ZNF804A: variants seen among roughly 807,000 people sequenced by gnomAD.
ZNF804A encodes zinc finger protein 804A.
Under a neutral mutation model 16.5 loss-of-function variants are expected in ZNF804A, and 2 were observed. The observed-to-expected ratio is 0.12, with a 90% CI of 0.05 to 0.38. The LOEUF (loss-of-function observed/expected upper bound fraction) is 0.38. Among genes scored for constraint, ZNF804A ranks in the 10% least tolerant of loss-of-function variants. The pLI is 0.99. For synonymous variants in ZNF804A, 534 were observed against 489.6 expected (o/e 1.09, Z -1.20); for missense variants, 1,473 against 1,390.7 (o/e 1.06, Z -0.94).
chr2:184,718,263 C>G (rs1428823944), intron 1 of ZNF804A, among the ~76,000 whole-genome samples: 2 of 152,104 alleles, frequency 1.3e-5, no homozygotes, highest in Non-Finnish European at 2.9e-5. Context: ...ACCCCCATAA[C>G]TCAGTCACCT....
intron 1 of ZNF804A, among the ~76,000 whole-genome samples, chr2:184,852,448 A>G (rs889935341): frequency 1.4e-5 from 2 of 140,930 alleles, no homozygotes; most frequent in Admixed American, 1.4e-4. Flanking sequence ...CTTTGAGGTT[A>G]TCTCATTTGA....
intron 1 of ZNF804A, among the ~76,000 whole-genome samples, chr2:184,788,111 T>C (rs1273657319): frequency 6.6e-6 from 1 of 151,952 alleles, no homozygotes; most frequent in African/African-American, 2.4e-5. Flanking sequence ...TTTCCCATTG[T>C]TTATTTTTGT....
At chr2:184,625,564 G>T (rs1027269071) in intron 1 of ZNF804A, among the ~76,000 whole-genome samples, 2 of 152,044 alleles carry the variant, frequency 1.3e-5, no homozygotes, top group Non-Finnish European at 2.9e-5. Flanking sequence ...TGGACAGATG[G>T]AGAAATAAAT....
chr2:184,935,860 T>G lies in ZNF804A; in HGVS notation c.464T>G (p.Val155Gly), dbSNP rs375476654. Reference sequence around the variant, plus strand: ...AACTGTAATGAAATTTCCCAACGAGTTGTTGTGGATTCAGTTAATAACCAG... The same window carrying G: ...AACTGTAATGAAATTTCCCAACGAGGTGTTGTGGATTCAGTTAATAACCAG... ...RENCNEISQR[V>G]VVDSVNNQQD... Residue 155 changes from valine to glycine, a missense_variant, in exon 4 of 4, where the codon GTT becomes GGT. Val to Gly is a moderately radical substitution (Grantham distance 109, BLOSUM62 -3). Transcript: ENST00000302277. 9 of 1,613,530 alleles carry G rather than the reference T, an allele frequency of 5.6e-6. No homozygotes were observed. In the South Asian group the frequency reaches 7.7e-5, roughly 14 times the overall value.
chr2:184,648,730 G>A (rs1258842719), intron 1 of ZNF804A, among the ~76,000 whole-genome samples: 1 of 152,208 alleles, frequency 6.6e-6, no homozygotes, highest in South Asian at 2.1e-4. Flanking sequence ...TTAAAAAGAA[G>A]ACTTAACTAA....
At chr2:184,604,320 G>A (rs1691103626) in intron 1 of ZNF804A, among the ~76,000 whole-genome samples, 1 of 151,420 alleles carries the variant, frequency 6.6e-6, no homozygotes, top group Admixed American at 6.6e-5. Context: ...ACAGGTGCCC[G>A]CCATCGCGCC....
chr2:184,922,336 A>G (rs1421790906), intron 2 of ZNF804A, among the ~76,000 whole-genome samples: 1 of 151,936 alleles, frequency 6.6e-6, no homozygotes, highest in Non-Finnish European at 1.5e-5. Context: ...TTTGATATAC[A>G]TTTCTCTAAT....
intron 2 of ZNF804A, among the ~76,000 whole-genome samples, chr2:184,914,853 C>T (rs1434585779): frequency 6.6e-6 from 1 of 151,590 alleles, no homozygotes. Flanking sequence ...TTAACTAACC[C>T]ATATAGATTT....
intron 1 of ZNF804A, among the ~76,000 whole-genome samples, chr2:184,739,061 A>G (rs1040828899): frequency 2.0e-5 from 3 of 152,230 alleles, no homozygotes; most frequent in Non-Finnish European, 4.4e-5. Context: ...CTTTGACTCC[A>G]TAAACCTTTT....
At chr2:184,847,720 C>T (rs1695541988) in intron 1 of ZNF804A, among the ~76,000 whole-genome samples, 1 of 152,036 alleles carries the variant, frequency 6.6e-6, no homozygotes, top group Non-Finnish European at 1.5e-5. Flanking sequence ...AAGACTGTTC[C>T]CATTTTCAAT....
intron 1 of ZNF804A, among the ~76,000 whole-genome samples, chr2:184,762,789 A>G (rs779515769): frequency 6.6e-6 from 1 of 152,104 alleles, no homozygotes; most frequent in East Asian, 1.9e-4. Flanking sequence ...CTTACAATCA[A>G]TTCTGCCCAA....
chr2:184,920,916 G>A (rs747995377), intron 2 of ZNF804A, among the ~76,000 whole-genome samples: 6 of 152,212 alleles, frequency 3.9e-5, no homozygotes, highest in Non-Finnish European at 8.8e-5. Context: ...CTTCTTGATT[G>A]ATGAAAGGAC....
chr2:184,782,069 G>T (rs1694379557), intron 1 of ZNF804A, among the ~76,000 whole-genome samples: 1 of 151,610 alleles, frequency 6.6e-6, no homozygotes, highest in South Asian at 2.1e-4. Context: ...GTGGATTAGG[G>T]CCCACCCCTC....
intron 1 of ZNF804A, among the ~76,000 whole-genome samples, chr2:184,829,615 A>T (rs1298200041): frequency 6.6e-6 from 1 of 151,978 alleles, no homozygotes; most frequent in African/African-American, 2.4e-5. Context: ...ATATTATCTG[A>T]TATTATCTGA....
At chr2:184,704,453 T>C (rs1182312330) in intron 1 of ZNF804A, among the ~76,000 whole-genome samples, 1 of 152,080 alleles carries the variant, frequency 6.6e-6, no homozygotes, top group Non-Finnish European at 1.5e-5. Flanking sequence ...AAAAAGAATA[T>C]AGGTAGAATT....
intron 1 of ZNF804A, among the ~76,000 whole-genome samples, chr2:184,760,625 A>T (rs1410841974): frequency 2.0e-5 from 3 of 152,154 alleles, no homozygotes; most frequent in Non-Finnish European, 4.4e-5. Context: ...ACAAGAAGCC[A>T]TATGCTCTTC....
In ZNF804A at chr2:184,933,615, C is replaced by T; in HGVS notation, c.268C>T (p.Leu90=). The change falls in exon 3 of 4, where the codon CTG becomes TTG. Residue 90 remains leucine, a synonymous_variant. Coordinates refer to ENST00000302277, the MANE Select transcript of ZNF804A (RefSeq NM_194250.2). ...TTTTTTTTAACAGAGGCTCAAGGAA[C>T]TGAAACAAAGGGAATTTGCTCGAAA... ...DHAHKQRLKE[L]KQREFARNVA... The T allele has an allele frequency of 1.9e-6, 3 of 1,599,028 alleles. No homozygotes were observed. Among genetic ancestry groups the T allele is most frequent in the Non-Finnish European group, 2.6e-6 (3 of 1,175,750 alleles).
intron 2 of ZNF804A, among the ~76,000 whole-genome samples, chr2:184,917,225 A>G (rs990971044): frequency 2.6e-5 from 4 of 152,068 alleles, no homozygotes; most frequent in African/African-American, 7.2e-5. Flanking sequence ...TTAATCTCCA[A>G]ATAAATGTAA....
chr2:184,847,687 A>T (rs575283234), intron 1 of ZNF804A, among the ~76,000 whole-genome samples: 1 of 152,168 alleles, frequency 6.6e-6, no homozygotes, highest in African/African-American at 2.4e-5. Flanking sequence ...GTCAGACTCC[A>T]CAGGTTAAAG....
Sources: gnomAD v4.1 joint callset for allele counts (sites outside exome capture counted in the v4.1 genomes callset) on GRCh38, gnomAD v4.1.1 for gene constraint, MANE v1.5 for transcripts, NCBI Gene and HGNC (gene_info 2026-07-23, HGNC 2026-07-21) for gene names.